The following NOS3 variants were observed in gnomAD, a reference collection of about 807,000 sequenced individuals.
The protein encoded by NOS3 is NOS type III.
In NOS3, 98 loss-of-function variants were observed where a neutral mutation model predicts 144.9. That is an observed-to-expected ratio of 0.68 (90% confidence interval 0.57 to 0.80). NOS3 has a LOEUF of 0.80. Ranked by LOEUF, NOS3 falls within the 30% of genes least tolerant of loss-of-function variation. The probability of loss-of-function intolerance (pLI) is 0.00; values close to 1 mark genes in which losing one functional copy is unlikely to be tolerated. For synonymous variants in NOS3, 714 were observed against 702.4 expected (o/e 1.02, Z -0.26); for missense variants, 1,465 against 1,656.4 (o/e 0.88, Z 2.01).
rs1795259398 is a variant in NOS3, at chr7:151,009,452, C to T, written c.2379C>T (p.Tyr793=). 3 of 1,548,704 alleles carry T rather than the reference C, an allele frequency of 1.9e-6. No homozygotes were observed. Among genetic ancestry groups the T allele is most frequent in the Middle Eastern group, 1.7e-4 (1 of 5,936 alleles). ...CCGGAGGCCAGGAGGGGCTGCAGTA[C>T]CAGCCGGGGGACCACATAGGTGTCT... ...LDTGGQEGLQ[Y]QPGDHIGVCP... Residue 793 remains tyrosine (Y), a synonymous_variant, in exon 20 of 27, where the codon TAC becomes TAT. Transcript: ENST00000297494.
At chr7:151,000,465 T>TCCCTACCGATGCCACACACCCTTCTGC in intron 9 of NOS3, 33 bp from the exon 10 acceptor site, 3 of 1,361,296 alleles carry the variant, frequency 2.2e-6, no homozygotes, top group Non-Finnish European at 3.2e-6. Context: ...ATCACCTCTG[T>TCCCTACCGATGCCACACACCCTTCTGC]CCCTACCGAT....
Position 151,009,241 on chromosome 7 carries a change from G to A in NOS3, c.2298G>A (p.Val766=), listed in dbSNP as rs1367753842. ...TGTTCCAGGCTACAATCCGCTCAGT[G>A]GAAAACCTGCAAAGCAGCAAGTCCA... ...RKMFQATIRS[V]ENLQSSKSTR... is the part of the protein sequence containing the mutation. The change falls in exon 19 of 27, where the codon GTG becomes GTA. Residue 766 remains valine, a synonymous_variant. Transcript: ENST00000297494. 6.2e-7 allele frequency: 1 copy of A among 1,613,652 alleles called. No individual in the cohort carries two copies. Among genetic ancestry groups the A allele is most frequent in the Non-Finnish European group, 8.5e-7 (1 of 1,179,870 alleles).
intron 5 of NOS3, 104 bp downstream of exon 5, chr7:150,997,029 G>T (rs1373101969): frequency 4.5e-6 from 6 of 1,327,680 alleles, no homozygotes; most frequent in Non-Finnish European, 5.1e-6. Context: ...CCCAAACTGT[G>T]GGGGAGATCC....
chr7:150,991,912 C>T (rs1444995592), intron 1 of NOS3, among the ~76,000 whole-genome samples: 3 of 151,550 alleles, frequency 2.0e-5, no homozygotes, highest in East Asian at 3.9e-4. Flanking sequence ...AGGAGAATCG[C>T]TTGAACCCAG....
chr7:150,994,845 C>G (rs1473045127), intron 2 of NOS3, among the ~76,000 whole-genome samples: 1 of 152,174 alleles, frequency 6.6e-6, no homozygotes, highest in Non-Finnish European at 1.5e-5. Flanking sequence ...CCCTGCAGGG[C>G]TTCCCTCCAC....
chr7:150,992,780 G>C (rs1454457084), intron 1 of NOS3, among the ~76,000 whole-genome samples: 1 of 152,122 alleles, frequency 6.6e-6, no homozygotes, highest in Non-Finnish European at 1.5e-5. Context: ...CAGTCTCTGA[G>C]GTCTCGAAAT....
chr7:151,013,442 C>G (rs555795574), intron 25 of NOS3, 63 bp downstream of exon 25: 13 of 1,543,030 alleles, frequency 8.4e-6, no homozygotes, highest in Middle Eastern at 1.7e-4. Flanking sequence ...GACTCGCGCT[C>G]TCCAGCGGGG....
At position 151,002,059 on chromosome 7, in the gene NOS3, A is replaced by G; in HGVS notation, c.1647+94A>G. 1 of 1,514,220 alleles carries G rather than the reference A, an allele frequency of 6.6e-7. No individual in the cohort carries two copies. The highest frequency in any genetic ancestry group is 1.2e-5 in the South Asian group (1 of 84,270). The allele number at this position is 1,514,220 out of a possible 1,614,324, so 93.8% of individuals were successfully genotyped here. On this transcript the variant is annotated intron_variant, in intron 13 of 26. Coordinates refer to ENST00000297494, the MANE Select transcript of NOS3 (RefSeq NM_000603.5). The surrounding 1 kb of genome is among the most constrained non-coding windows in gnomAD (Gnocchi z 4.1). ...TGGAGGACAGGAAGTGTTACAAGTC[A>G]GGACTCATGAGGAACCCGGAACCAC... is the stretch of plus-strand genomic sequence containing the variant.
At position 151,009,238 on chromosome 7, in the gene NOS3, A is replaced by G. The variant is rs1321721527; in HGVS notation, c.2295A>G (p.Ser765=). 9 of 1,613,484 alleles carry G rather than the reference A, an allele frequency of 5.6e-6. No individual in the cohort carries two copies. Among genetic ancestry groups the G allele is most frequent in the Non-Finnish European group, 6.8e-6 (8 of 1,179,796 alleles). ...AGATGTTCCAGGCTACAATCCGCTCAGTGGAAAACCTGCAAAGCAGCAAGT... is the reference window on the plus strand; with the variant it reads ...AGATGTTCCAGGCTACAATCCGCTCGGTGGAAAACCTGCAAAGCAGCAAGT... The part of the protein sequence containing the change: ...RRKMFQATIR[S]VENLQSSKST... Residue 765 remains serine, a synonymous_variant, in exon 19 of 27, where the codon TCA becomes TCG. Coordinates refer to ENST00000297494, the MANE Select transcript of NOS3 (RefSeq NM_000603.5).
rs1370215740 is a variant in NOS3, at chr7:151,014,094, C to T, written c.3537C>T (p.Ser1179=). 6 of 1,613,804 alleles carry T rather than the reference C, an allele frequency of 3.7e-6. No homozygotes were observed. In the East Asian group the frequency reaches 1.3e-4, roughly 36 times the overall value. The part of the protein sequence containing the change: ...VTSRIRTQSF[S]LQERQLRGAV... The stretch of plus-strand genomic sequence containing the variant: ...GCCGCATACGCACCCAGAGCTTTTC[C>T]TTGCAGGAGCGTCAGTTGCGGGGCG... The change falls in exon 27 of 27, where the codon TCC becomes TCT. Residue 1179 remains serine (S), a synonymous_variant. Transcript: ENST00000297494.
rs1802300851 is a variant in NOS3, at chr7:150,993,596, C to A, written c.-51-157C>A. On this transcript the variant is annotated intron_variant, in intron 1 of 26. Transcript: ENST00000297494. The surrounding 1 kb of genome is among the most constrained non-coding windows in gnomAD (Gnocchi z 4.0). ...AGCGGAACCCAGGCGTCCGGCCCCCCACCCTTCAGGCCAGCGGGCGTGGAG... is the reference window on the plus strand; with the variant it reads ...AGCGGAACCCAGGCGTCCGGCCCCCAACCCTTCAGGCCAGCGGGCGTGGAG... Among the ~76,000 whole-genome samples, 1 of 152,158 alleles carries A rather than the reference C, an allele frequency of 6.6e-6. No homozygotes were observed. Among genetic ancestry groups the A allele is most frequent in the East Asian group, 1.9e-4 (1 of 5,180 alleles).
In NOS3 at chr7:150,993,253, T is replaced by G. The variant is rs368581494; in HGVS notation, c.-51-500T>G. Among the ~76,000 whole-genome samples, 21 of 152,126 alleles carry G rather than the reference T, an allele frequency of 1.4e-4. 1 individual carries two copies. The highest frequency in any genetic ancestry group is 4.8e-4 in the African/African-American group (20 of 41,492). ...CCAAGAACCCAAAAGGACTCAAGGG[T>G]GGGGATCCAGGAGTTCTTGTATGTA... On this transcript the variant is annotated intron_variant, in intron 1 of 26. Coordinates refer to ENST00000297494, the MANE Select transcript of NOS3 (RefSeq NM_000603.5). This position sits in a 1 kb window ranked among gnomAD's most constrained non-coding sequence, Gnocchi z 4.0.
Position 151,009,500 on chromosome 7 carries a change from T to G in NOS3, c.2427T>G (p.Leu809=), listed in dbSNP as rs1194701040. 3 of 1,547,538 alleles carry G rather than the reference T, an allele frequency of 1.9e-6. No individual in the cohort carries two copies. Among genetic ancestry groups the G allele is most frequent in the Non-Finnish European group, 1.7e-6 (2 of 1,146,542 alleles). The part of the protein sequence containing the change: ...IGVCPPNRPG[L]VEALLSRVED... The stretch of plus-strand genomic sequence containing the variant: ...TCTGCCCGCCCAACCGGCCCGGCCT[T>G]GTGGAGGCGCTGCTGAGCCGCGTGG... Residue 809 remains leucine (L), a synonymous_variant, in exon 20 of 27, where the codon CTT becomes CTG. Coordinates refer to ENST00000297494, the MANE Select transcript of NOS3 (RefSeq NM_000603.5).
intron 17 of NOS3, 77 bp from the exon 18 acceptor site, chr7:151,008,853 G>A: frequency 6.8e-7 from 1 of 1,478,720 alleles, no homozygotes; most frequent in South Asian, 1.4e-5. Flanking sequence ...GCAAGACGCA[G>A]TGAAGCCGCC....
intron 17 of NOS3, 106 bp downstream of exon 17, chr7:151,007,382 C>T: frequency 8.1e-7 from 1 of 1,233,882 alleles, no homozygotes; most frequent in Non-Finnish European, 1.1e-6. Flanking sequence ...CCTGTTCCTT[C>T]CAAAATCCAC....
In NOS3 at chr7:151,003,775, A is replaced by G. The variant is rs921999951; in HGVS notation, c.1752+1471A>G. ...CCTGCTGAGGCTGTTTTTGAGGCGC[A>G]CTCGTGTTGCTGCGTGACTCAGTAT... On this transcript the variant is annotated intron_variant, in intron 14 of 26. Transcript: ENST00000297494. This position sits in a 1 kb window ranked among gnomAD's most constrained non-coding sequence, Gnocchi z 4.1. 10 of 467,300 alleles carry G rather than the reference A, an allele frequency of 2.1e-5. 1 individual carries two copies. In the East Asian group the frequency reaches 3.5e-4, roughly 16 times the overall value. The allele number at this position is 467,300 out of a possible 1,614,324, so 28.9% of individuals were successfully genotyped here. A position where few individuals can be genotyped will look rare whatever the true frequency, so the allele number is the denominator to read the frequency against.
At position 150,993,957 on chromosome 7, in the gene NOS3, C is replaced by T; in HGVS notation, c.154C>T (p.His52Tyr). The change falls in exon 2 of 27, where the codon CAC becomes TAC. Residue 52 changes from histidine to tyrosine, a missense_variant. By Grantham distance (83) the His-to-Tyr change is moderately conservative. This residue lies in a region of NOS3 where 374 missense variants were observed against 377.0 expected (regional missense o/e 0.99). Transcript: ENST00000297494. This position sits in a 1 kb window ranked among gnomAD's most constrained non-coding sequence, Gnocchi z 4.0. ...PASLLPPAPE[H>Y]SPPSSPLTQP... ...ATCCCTACTCCCACCAGCGCCAGAA[C>T]ACAGGTAAGGGCCAGGCAGCTAGGA... The T allele has an allele frequency of 1.9e-6, 3 of 1,562,908 alleles. No individual in the cohort carries two copies. Among genetic ancestry groups the T allele is most frequent in the Non-Finnish European group, 2.6e-6 (3 of 1,156,746 alleles).
chr7:151,001,750 G>A (rs969984300), intron 12 of NOS3, 71 bp from the exon 13 acceptor site: 4 of 1,598,598 alleles, frequency 2.5e-6, no homozygotes, highest in East Asian at 2.2e-5. Flanking sequence ...GTTGTGAGGG[G>A]GTTGGACCCT....
chr7:151,007,173 G>T lies in NOS3; in HGVS notation c.2009G>T (p.Arg670Leu), dbSNP rs766759667. The change falls in exon 17 of 27, where the codon CGG (arginine) becomes CTG (leucine). Residue 670 changes from arginine (R) to leucine (L), a missense_variant. Physicochemically the swap from Arg to Leu is moderately radical, Grantham distance 102. Around this residue, in one of 5 missense-constraint regions of NOS3, gnomAD observed 745 missense variants for 853.9 expected, o/e 0.87. Transcript: ENST00000297494. ...FCAFARAVDT[R>L]LEELGGERLL... is the part of the protein sequence containing the mutation. Reference sequence around the variant, plus strand: ...GCCTTTGCTCGTGCCGTGGACACACGGCTGGAGGAACTGGGCGGGGAGCGG... The same window carrying T: ...GCCTTTGCTCGTGCCGTGGACACACTGCTGGAGGAACTGGGCGGGGAGCGG... The T allele has an allele frequency of 1.2e-6, 2 of 1,613,618 alleles. No homozygotes were observed. The highest frequency in any genetic ancestry group is 1.7e-6 in the Non-Finnish European group (2 of 1,179,948).
Sources: allele counts gnomAD v4.1 joint callset (sites outside exome capture counted in the v4.1 genomes callset), GRCh38; gene constraint gnomAD v4.1.1; regional missense constraint gnomAD v4.1.1; non-coding constraint Gnocchi (gnomAD v3.1); transcripts MANE v1.5; gene names NCBI Gene and HGNC (gene_info 2026-07-23, HGNC 2026-07-21).